EPSTI1: variants seen among roughly 807,000 people sequenced by gnomAD.
EPSTI1 encodes the protein epithelial stromal interaction 1.
In EPSTI1, 66 loss-of-function variants were observed where a neutral mutation model predicts 49.9. The observed-to-expected ratio is 1.32, with a 90% CI of 1.08 to 1.62. EPSTI1 has a LOEUF of 1.62. EPSTI1 is among the 40% of genes most tolerant of loss of function. The probability of loss-of-function intolerance (pLI) is 0.00; values close to 1 mark genes in which losing one functional copy is unlikely to be tolerated. For synonymous variants in EPSTI1, 137 were observed against 130.7 expected (o/e 1.05, Z -0.33); for missense variants, 394 against 365.5 (o/e 1.08, Z -0.64).
intron 1 of EPSTI1, among the ~76,000 whole-genome samples, chr13:42,979,415 A>G (rs2039942688): frequency 6.6e-6 from 1 of 151,638 alleles, no homozygotes; most frequent in South Asian, 2.1e-4. Context: ...CGTCTCTACT[A>G]AAAATACAAA....
intron 8 of EPSTI1, among the ~76,000 whole-genome samples, chr13:42,910,881 T>C (rs2037651114): frequency 6.6e-6 from 1 of 152,220 alleles, no homozygotes; most frequent in African/African-American, 2.4e-5. Flanking sequence ...GTTTTAGTAT[T>C]TCACCACTGA....
chr13:42,964,933 C>T (rs1250220356), intron 3 of EPSTI1, among the ~76,000 whole-genome samples: 2 of 152,178 alleles, frequency 1.3e-5, no homozygotes, highest in Non-Finnish European at 2.9e-5. Flanking sequence ...AAAGTGTCAG[C>T]TCTCTGAAAG....
At chr13:42,925,875 T>C (rs779348185) in intron 7 of EPSTI1, among the ~76,000 whole-genome samples, 12 of 152,212 alleles carry the variant, frequency 7.9e-5, no homozygotes, top group Non-Finnish European at 1.6e-4. Context: ...TGCTTTCTTA[T>C]TGTGATATGC....
intron 6 of EPSTI1, among the ~76,000 whole-genome samples, chr13:42,938,430 T>C (rs1255417405): frequency 6.6e-6 from 1 of 152,128 alleles, no homozygotes. Flanking sequence ...CAATTTAGCA[T>C]ATTTTTTTAA....
At chr13:42,892,743 A>G (rs945994823) in intron 10 of EPSTI1, among the ~76,000 whole-genome samples, 1 of 152,218 alleles carries the variant, frequency 6.6e-6, no homozygotes. Context: ...AGAATGAATG[A>G]GTATCTAATT....
At chr13:42,979,243 T>A (rs1189364001) in intron 1 of EPSTI1, among the ~76,000 whole-genome samples, 1 of 152,118 alleles carries the variant, frequency 6.6e-6, no homozygotes, top group Non-Finnish European at 1.5e-5. Flanking sequence ...ACAATGAGCT[T>A]TAGAATATCA....
chr13:42,925,645 T>G (rs1371141684), intron 7 of EPSTI1, among the ~76,000 whole-genome samples: 2 of 152,228 alleles, frequency 1.3e-5, no homozygotes, highest in African/African-American at 4.8e-5. Flanking sequence ...CTCACTTTTC[T>G]GCACTGCAGC....
intron 1 of EPSTI1, among the ~76,000 whole-genome samples, chr13:42,973,582 T>G (rs2039813866): frequency 6.6e-6 from 1 of 152,266 alleles, no homozygotes; most frequent in Non-Finnish European, 1.5e-5. Flanking sequence ...TTTTTATTTT[T>G]TAATATCATG....
rs146374401 is a variant in EPSTI1, at chr13:42,964,730, G to A, written c.332-591C>T. Among the ~76,000 whole-genome samples, 624 of 152,190 alleles carry A rather than the reference G, an allele frequency of 4.1e-3. 5 individuals are homozygous for A. The highest frequency in any genetic ancestry group is 0.014 in the African/African-American group (586 of 41,508). ...CTATTTATTGTTCTTTCCTTATATA[G>A]TCAAAATAAAAATATGGATGTTAGA... On this transcript the variant is annotated intron_variant, in intron 3 of 10. Transcript: ENST00000313624.
At chr13:42,918,442 T>A (rs2037900282) in intron 7 of EPSTI1, among the ~76,000 whole-genome samples, 1 of 152,204 alleles carries the variant, frequency 6.6e-6, no homozygotes, top group South Asian at 2.1e-4. Flanking sequence ...ATCAGCAGCT[T>A]CATGGCAGCA....
intron 1 of EPSTI1, among the ~76,000 whole-genome samples, chr13:42,976,273 A>G (rs951857269): frequency 3.9e-5 from 6 of 152,230 alleles, no homozygotes; most frequent in Non-Finnish European, 7.3e-5. Context: ...GCAGCTGATA[A>G]AATCCTTCGG....
intron 1 of EPSTI1, among the ~76,000 whole-genome samples, chr13:42,979,603 G>T (rs76095348): frequency 1.1e-5 from 1 of 93,752 alleles, no homozygotes; most frequent in African/African-American, 3.9e-5. Context: ...AAAAAAAAAA[G>T]AAAAGAAAAG....
chr13:42,987,029 A>G (rs1189603266), intron 1 of EPSTI1, among the ~76,000 whole-genome samples: 2 of 152,150 alleles, frequency 1.3e-5, no homozygotes, highest in East Asian at 3.9e-4. Flanking sequence ...ACTGAGTTGT[A>G]TCCTTTATGA....
chr13:42,984,948 T>G (rs2040051898), intron 1 of EPSTI1, among the ~76,000 whole-genome samples: 1 of 152,156 alleles, frequency 6.6e-6, no homozygotes, highest in African/African-American at 2.4e-5. Flanking sequence ...GTCTAAGTGT[T>G]GAGGTTGCAG....
chr13:42,967,576 G>A (rs1243709268), intron 3 of EPSTI1, among the ~76,000 whole-genome samples: 1 of 152,222 alleles, frequency 6.6e-6, no homozygotes, highest in Non-Finnish European at 1.5e-5. Flanking sequence ...ACTTGCCTAT[G>A]AGGGCCATGT....
rs759684220 is a variant in EPSTI1, at chr13:42,886,439, C to G, written c.*2055G>C. The G allele has an allele frequency of 2.0e-5, 3 of 152,024 alleles. No homozygotes were observed. The highest frequency in any genetic ancestry group is 4.4e-5 in the Non-Finnish European group (3 of 68,012). The allele number at this position is 152,024 out of a possible 1,614,324, so 9.4% of individuals were successfully genotyped here. Reference sequence around the variant, plus strand: ...AGTTTATTAAACATTTTATTACACACCTGTATTGCCTAAAGTTTCTATAAC... The same window carrying G: ...AGTTTATTAAACATTTTATTACACAGCTGTATTGCCTAAAGTTTCTATAAC... On this transcript the variant is annotated 3_prime_UTR_variant, in exon 11 of 11. Coordinates refer to ENST00000313624, the MANE Select transcript of EPSTI1 (RefSeq NM_033255.5).
Position 42,922,488 on chromosome 13 carries a change from G to T in EPSTI1, c.657+3848C>A, listed in dbSNP as rs186009759. 3.3e-4 allele frequency among the ~76,000 whole-genome samples: 50 copies of T among 152,242 alleles called. No individual in the cohort carries two copies. Among genetic ancestry groups the T allele is most frequent in the Non-Finnish European group, 5.0e-4 (34 of 68,026 alleles). On this transcript the variant is annotated intron_variant, in intron 7 of 10. Coordinates refer to ENST00000313624, the MANE Select transcript of EPSTI1 (RefSeq NM_033255.5). The surrounding 1 kb of genome is among the most constrained non-coding windows in gnomAD (Gnocchi z 4.8). ...GTGTGCCAAGGGTTTGCGGGGACAG[G>T]GGACAGATGCCCCCCGGAAGCTTCA...
intron 1 of EPSTI1, among the ~76,000 whole-genome samples, chr13:42,973,962 T>C (rs1031092146): frequency 6.6e-6 from 1 of 152,248 alleles, no homozygotes; most frequent in South Asian, 2.1e-4. Flanking sequence ...CCGTGAGATA[T>C]ACTGAGGGAG....
At chr13:42,934,044 C>A (rs745812641) in intron 6 of EPSTI1, 11 of 199,106 alleles carry the variant, frequency 5.5e-5, no homozygotes, top group Middle Eastern at 2.7e-3. Context: ...CTCTTCCATA[C>A]ATGAAACCAT....
Sources: allele counts gnomAD v4.1 joint callset (sites outside exome capture counted in the v4.1 genomes callset), GRCh38; gene constraint gnomAD v4.1.1; non-coding constraint Gnocchi (gnomAD v3.1); transcripts MANE v1.5; gene names NCBI Gene and HGNC (gene_info 2026-07-23, HGNC 2026-07-21).